The following SMCO2 variants were observed in gnomAD, a reference collection of about 807,000 sequenced individuals.
SMCO2 encodes the protein single-pass membrane and coiled-coil domain-containing protein 2.
In SMCO2, 25 loss-of-function variants were observed where a neutral mutation model predicts 29.5. That is an observed-to-expected ratio of 0.85 (90% CI 0.62 to 1.18). SMCO2 has a LOEUF of 1.18. SMCO2 is among the 50% of genes most tolerant of loss of function. The pLI is 0.00. For missense variants in SMCO2, 348 were observed against 344.5 expected (o/e 1.01, Z -0.08); for synonymous variants, 117 against 123.3 (o/e 0.95, Z 0.34).
chr12:27,442,837 A>G, the SMCO2 span, among the ~76,000 whole-genome samples: 1 of 152,098 alleles, frequency 6.6e-6, no homozygotes, highest in African/African-American at 2.4e-5. Flanking sequence ...GCCCAGGATG[A>G]TCTTGAACTC....
chr12:27,460,229 G>C, the SMCO2 span, among the ~76,000 whole-genome samples: 1 of 152,134 alleles, frequency 6.6e-6, no homozygotes, highest in Non-Finnish European at 1.5e-5. Context: ...GTTTAGGACA[G>C]TTATTGGTAC....
chr12:27,484,861 AAAAAAAAAAAATATATAT>A (rs1290630356), intron 4 of SMCO2, among the ~76,000 whole-genome samples: 8 of 128,002 alleles, frequency 6.2e-5, no homozygotes, highest in East Asian at 5.2e-4. Flanking sequence ...CAAAAAAAAA[AAAAAAAAAAAATATATAT>A]ATATATATAT....
chr12:27,494,211 A>T, intron 5 of SMCO2, 89 bp from the exon 7 acceptor site: 1 of 811,968 alleles, frequency 1.2e-6, no homozygotes, highest in Non-Finnish European at 1.8e-6. Flanking sequence ...GAAGCATTTT[A>T]TAAGGTTTGT....
chr12:27,496,704 T>C (rs942667020), intron 7 of SMCO2, among the ~76,000 whole-genome samples: 8 of 150,828 alleles, frequency 5.3e-5, no homozygotes, highest in Non-Finnish European at 8.8e-5. Flanking sequence ...CTGTCTTCAA[T>C]CAAGTCCTTT....
chr12:27,428,321 G>A, the SMCO2 span, among the ~76,000 whole-genome samples: 3 of 152,164 alleles, frequency 2.0e-5, no homozygotes, highest in African/African-American at 7.2e-5. Flanking sequence ...CCTACACCCA[G>A]GAATGAACAA....
chr12:27,447,546 C>T, the SMCO2 span, among the ~76,000 whole-genome samples: 2 of 151,898 alleles, frequency 1.3e-5, no homozygotes, highest in Admixed American at 1.3e-4. Flanking sequence ...TCGCTTCAGC[C>T]CAGGAGCCTG....
In SMCO2 at chr12:27,494,374, C is replaced by T. The variant is rs1942970228; in HGVS notation, c.507+18C>T. The stretch of plus-strand genomic sequence containing the variant: ...GGCTGGAGGTAAGATTTCAGTTACA[C>T]AATTCAAACAATGATAAAATCAGAT... On this transcript the variant is annotated intron_variant, in intron 6 of 7. Transcript: ENST00000298876. The T allele has an allele frequency of 1.3e-6, 2 of 1,488,736 alleles. No individual in the cohort carries two copies. The highest frequency in any genetic ancestry group is 1.3e-5 in the South Asian group (1 of 75,954). The allele number at this position is 1,488,736 out of a possible 1,614,324, so 92.2% of individuals were successfully genotyped here.
chr12:27,473,898 C>T (rs1949562067), intron 3 of SMCO2, among the ~76,000 whole-genome samples: 1 of 152,166 alleles, frequency 6.6e-6, no homozygotes. Flanking sequence ...TCGATTTTTG[C>T]ATGCAGAGAC....
At chr12:27,474,966 A>G in intron 4 of SMCO2, 53 bp downstream of exon 4, 1 of 1,528,280 alleles carries the variant, frequency 6.5e-7, no homozygotes. Context: ...GGAGGGGAAA[A>G]TAGAATTTAA....
intron 3 of SMCO2, chr12:27,473,174 C>T (rs894134177): frequency 7.3e-5 from 23 of 315,620 alleles, no homozygotes; most frequent in Non-Finnish European, 1.3e-4. Flanking sequence ...TGACATTTCT[C>T]ACCTTCGAGC....
At chr12:27,443,670 G>C in the SMCO2 span, among the ~76,000 whole-genome samples, 1 of 152,038 alleles carries the variant, frequency 6.6e-6, no homozygotes, top group African/African-American at 2.4e-5. Context: ...AAAGGTGCAG[G>C]ACACAAAATC....
the SMCO2 span, among the ~76,000 whole-genome samples, chr12:27,453,482 G>A: frequency 6.6e-6 from 1 of 152,200 alleles, no homozygotes; most frequent in African/African-American, 2.4e-5. Flanking sequence ...CATATGCTCA[G>A]ACATGAAAGA....
the SMCO2 span, among the ~76,000 whole-genome samples, chr12:27,441,174 G>C: frequency 6.6e-6 from 1 of 152,132 alleles, no homozygotes; most frequent in African/African-American, 2.4e-5. Context: ...TTGGAGAATC[G>C]CCTGAGCCCA....
chr12:27,472,630 C>T, intron 2 of SMCO2, 146 bp from the exon 3 acceptor site: 1 of 528,188 alleles, frequency 1.9e-6, no homozygotes, highest in Non-Finnish European at 3.3e-6. Context: ...TGTTATTCAC[C>T]CAGAAAGAAC....
intron 3 of SMCO2, among the ~76,000 whole-genome samples, chr12:27,473,458 C>T (rs401052): frequency 0.12 from 18,303 of 152,112 alleles, 2,135 homozygotes; most frequent in African/African-American, 0.28. Context: ...TAATCTGAGA[C>T]GATCTTATAT....
chr12:27,481,611 C>T (rs1417408212), intron 4 of SMCO2, among the ~76,000 whole-genome samples: 1 of 152,026 alleles, frequency 6.6e-6, no homozygotes, highest in Non-Finnish European at 1.5e-5. Context: ...CTGGAAATTT[C>T]TTTGTGGTAA....
upstream of SMCO2, among the ~76,000 whole-genome samples, chr12:27,465,657 T>C (rs1307060909): frequency 6.6e-6 from 1 of 152,244 alleles, no homozygotes; most frequent in Non-Finnish European, 1.5e-5. Flanking sequence ...TTTGAGCACC[T>C]ATTGTGCGTC....
rs540673188 is a variant in SMCO2, at chr12:27,501,415, CAAAAAAA to C, written c.684-492_684-486del. Among the ~76,000 whole-genome samples, 40 of 85,868 alleles carry C rather than the reference CAAAAAAA, an allele frequency of 4.7e-4. 1 individual carries two copies. The highest frequency in any genetic ancestry group is 1.9e-3 in the African/African-American group (40 of 20,902). 56.3% of individuals were successfully genotyped at this position (85,868 alleles called of 152,430 possible). On this transcript the variant is annotated intron_variant, in intron 7 of 7. Coordinates refer to ENST00000298876, the Ensembl canonical transcript of SMCO2. Reference sequence around the variant, plus strand: ...TGGGCGAAAGAGTGAGACTCCGTCTCAAAAAAAAAAAAAAAAAAAAAACAAACAAACA... The same window carrying C: ...TGGGCGAAAGAGTGAGACTCCGTCTCAAAAAAAAAAAAAAACAAACAAACA...
chr12:27,446,369 T>A, the SMCO2 span: 2 of 152,146 alleles, frequency 1.3e-5, no homozygotes, highest in Non-Finnish European at 2.9e-5. Context: ...GGCCCCACCC[T>A]CATAACCTCA....
Sources: gnomAD v4.1 joint callset for allele counts (sites outside exome capture counted in the v4.1 genomes callset) on GRCh38, gnomAD v4.1.1 for gene constraint, MANE v1.5 for transcripts, NCBI Gene and HGNC (gene_info 2026-07-23, HGNC 2026-07-21) for gene names.